MAGI1: variants seen among roughly 807,000 people sequenced by gnomAD.
MAGI1 encodes membrane-associated guanylate kinase, WW and PDZ domain-containing protein 1.
Under a neutral mutation model 139.9 loss-of-function variants are expected in MAGI1, and 58 were observed. The observed-to-expected ratio is 0.41, with a 90% CI of 0.34 to 0.52. The LOEUF is 0.52. Among genes scored for constraint, MAGI1 ranks in the 20% least tolerant of loss-of-function variants. The pLI, the probability that MAGI1 is intolerant of heterozygous loss-of-function variation, is 0.12. For synonymous variants in MAGI1, 812 were observed against 737.9 expected (o/e 1.10, Z -1.63); for missense variants, 1,874 against 1,901.6 (o/e 0.99, Z 0.27).
chr3:65,629,790 G>T (rs970704619), intron 1 of MAGI1, among the ~76,000 whole-genome samples: 2 of 151,952 alleles, frequency 1.3e-5, no homozygotes, highest in Non-Finnish European at 2.9e-5. Flanking sequence ...TAAATCACTG[G>T]AGAGTTACCC....
intron 3 of MAGI1, among the ~76,000 whole-genome samples, chr3:65,479,777 T>A (rs562420140): frequency 1.3e-5 from 2 of 152,282 alleles, no homozygotes; most frequent in African/African-American, 2.4e-5. Flanking sequence ...GCTATTTTTT[T>A]AAAGTTATTT....
chr3:65,785,768 T>C (rs1341433215), intron 1 of MAGI1, among the ~76,000 whole-genome samples: 1 of 152,146 alleles, frequency 6.6e-6, no homozygotes, highest in Admixed American at 6.5e-5. Flanking sequence ...TTCACCTACC[T>C]TGGAGACTAC....
chr3:65,858,857 T>G (rs115132911), intron 1 of MAGI1, among the ~76,000 whole-genome samples: 1,956 of 152,316 alleles, frequency 0.013, 48 homozygotes, highest in African/African-American at 0.044. Context: ...CTGATTGGCT[T>G]GTATTATTAT....
chr3:65,565,873 AAG>A (rs1203063869), intron 2 of MAGI1, among the ~76,000 whole-genome samples: 4 of 150,032 alleles, frequency 2.7e-5, no homozygotes, highest in Non-Finnish European at 5.9e-5. Flanking sequence ...AAAAAAAAAA[AAG>A]AAACATTGCT....
Position 66,038,351 on chromosome 3 carries a change from G to T in MAGI1, c.-43C>A. On this transcript the variant is annotated 5_prime_UTR_variant, in exon 1 of 23. In the 5' UTR this introduces an upstream ATG that the reference lacks. Coordinates refer to ENST00000402939, the MANE Select transcript of MAGI1 (RefSeq NM_001033057.2). ...CTCCAAAAAAATAAAACGAGAGACA[G>T]GTGCCCCCCACAGCACGAGCCCCCA... 1.3e-6 allele frequency: 2 copies of T among 1,511,532 alleles called. No individual in the cohort carries two copies. Among genetic ancestry groups the T allele is most frequent in the Non-Finnish European group, 1.8e-6 (2 of 1,132,848 alleles). 93.6% of individuals were successfully genotyped at this position (1,511,532 alleles called of 1,614,324 possible).
chr3:65,761,738 C>T (rs2037048300), intron 1 of MAGI1, among the ~76,000 whole-genome samples: 1 of 152,102 alleles, frequency 6.6e-6, no homozygotes, highest in Non-Finnish European at 1.5e-5. Flanking sequence ...AACAGATGCC[C>T]ATGATGGCTG....
chr3:66,020,344 G>A (rs2067895485), intron 1 of MAGI1, among the ~76,000 whole-genome samples: 1 of 152,184 alleles, frequency 6.6e-6, no homozygotes, highest in Admixed American at 6.5e-5. Flanking sequence ...AGCAGAGGTA[G>A]GAGAATCGCT....
chr3:65,862,285 G>A (rs982625000), intron 1 of MAGI1, among the ~76,000 whole-genome samples: 12 of 152,154 alleles, frequency 7.9e-5, no homozygotes, highest in African/African-American at 2.7e-4. Context: ...TGGGGAAAGA[G>A]CAGTACCTAT....
chr3:65,854,299 C>T (rs2059302645), intron 1 of MAGI1, among the ~76,000 whole-genome samples: 1 of 151,706 alleles, frequency 6.6e-6, no homozygotes, highest in Admixed American at 6.6e-5. Flanking sequence ...AGACAAAACA[C>T]AACAAAGAAG....
chr3:65,680,236 A>G (rs1256268576), intron 1 of MAGI1, among the ~76,000 whole-genome samples: 1 of 152,138 alleles, frequency 6.6e-6, no homozygotes, highest in Non-Finnish European at 1.5e-5. Flanking sequence ...GCCTAGACCC[A>G]TCAAGGGACA....
chr3:66,025,344 G>C (rs1055313133), intron 1 of MAGI1, among the ~76,000 whole-genome samples: 1 of 151,922 alleles, frequency 6.6e-6, no homozygotes, highest in Non-Finnish European at 1.5e-5. Flanking sequence ...TCTGAGACCA[G>C]CCTGAGCAAG....
chr3:65,904,817 A>C (rs938071619), intron 1 of MAGI1, among the ~76,000 whole-genome samples: 1 of 152,174 alleles, frequency 6.6e-6, no homozygotes, highest in Non-Finnish European at 1.5e-5. Context: ...CATTATGTGG[A>C]TGCAGCACCT....
At chr3:65,672,949 T>C (rs2086955236) in intron 1 of MAGI1, among the ~76,000 whole-genome samples, 1 of 152,204 alleles carries the variant, frequency 6.6e-6, no homozygotes, top group Non-Finnish European at 1.5e-5. Flanking sequence ...GTATGATAAA[T>C]TGCTTTCTTC....
chr3:65,596,245 A>G (rs1416899951), intron 2 of MAGI1, among the ~76,000 whole-genome samples: 1 of 152,214 alleles, frequency 6.6e-6, no homozygotes, highest in Non-Finnish European at 1.5e-5. Context: ...TCCGTGGGTT[A>G]CCATGTGCAT....
chr3:65,645,051 G>A (rs1210501961), intron 1 of MAGI1, among the ~76,000 whole-genome samples: 2 of 148,866 alleles, frequency 1.3e-5, no homozygotes, highest in African/African-American at 4.9e-5. Flanking sequence ...ATGGAAAAAA[G>A]AAACAGAGCC....
At chr3:65,959,990 G>A (rs1576267803) in intron 1 of MAGI1, among the ~76,000 whole-genome samples, 1 of 150,868 alleles carries the variant, frequency 6.6e-6, no homozygotes, top group South Asian at 2.1e-4. Flanking sequence ...GTATTTTTTA[G>A]TAGAGACAGG....
intron 1 of MAGI1, among the ~76,000 whole-genome samples, chr3:65,872,361 A>T (rs985016329): frequency 6.6e-6 from 1 of 151,904 alleles, no homozygotes; most frequent in Non-Finnish European, 1.5e-5. Context: ...TTTGTCTCCA[A>T]CTCTTCCTCT....
In MAGI1 at chr3:65,497,101, C is replaced by T. The variant is rs983931398; in HGVS notation, c.431-3470G>A. 2.6e-5 allele frequency among the ~76,000 whole-genome samples: 4 copies of T among 152,152 alleles called. No homozygotes were observed. In the South Asian group the frequency reaches 8.3e-4, roughly 32 times the overall value. On this transcript the variant is annotated intron_variant, in intron 2 of 22. Coordinates refer to ENST00000402939, the MANE Select transcript of MAGI1 (RefSeq NM_001033057.2). Reference sequence around the variant, plus strand: ...CACCTACGAGCAGAGAGTTGGAGCACAGCTGACCTTAAAAGTCTGAAGGTC... The same window carrying T: ...CACCTACGAGCAGAGAGTTGGAGCATAGCTGACCTTAAAAGTCTGAAGGTC...
At chr3:65,401,711 G>C in intron 12 of MAGI1, 1 of 1,509,264 alleles carries the variant, frequency 6.6e-7, no homozygotes, top group Non-Finnish European at 8.9e-7. Context: ...TACTGCAGCA[G>C]CCTGGAGGCT....
Sources: allele counts gnomAD v4.1 joint callset (sites outside exome capture counted in the v4.1 genomes callset), GRCh38; gene constraint gnomAD v4.1.1; transcripts MANE v1.5; gene names NCBI Gene and HGNC (gene_info 2026-07-23, HGNC 2026-07-21).